Variants in FAF1 observed in about 807,000 individuals in gnomAD.
FAF1 encodes Fas associated factor 1.
Under a neutral mutation model 92.5 loss-of-function variants are expected in FAF1, and 25 were observed. That is an observed-to-expected ratio of 0.27 (90% CI 0.20 to 0.38). The LOEUF (loss-of-function observed/expected upper bound fraction) is 0.38, where lower values mean the gene tolerates loss of function less well. Ranked by LOEUF, FAF1 falls within the 10% of genes least tolerant of loss-of-function variation. FAF1 has a pLI of 1.00. For synonymous variants in FAF1, 234 were observed against 273.2 expected (o/e 0.86, Z 1.42); for missense variants, 636 against 793.3 (o/e 0.80, Z 2.38).
intron 1 of FAF1, among the ~76,000 whole-genome samples, chr1:50,904,099 T>A (rs1402117531): frequency 6.6e-6 from 1 of 152,192 alleles, no homozygotes; most frequent in African/African-American, 2.4e-5. Flanking sequence ...TTATTCACAA[T>A]AACCGAAAGG....
chr1:50,849,789 G>A (rs1250361385), intron 2 of FAF1, among the ~76,000 whole-genome samples: 1 of 149,510 alleles, frequency 6.7e-6, no homozygotes, highest in Admixed American at 6.6e-5. Context: ...TTACATTAGA[G>A]CTACTTAAAT....
chr1:50,660,210 T>C (rs2124308910), intron 7 of FAF1, among the ~76,000 whole-genome samples: 1 of 152,322 alleles, frequency 6.6e-6, no homozygotes, highest in Non-Finnish European at 1.5e-5. Context: ...CTTAGGAAAG[T>C]AATTCTTAGG....
Position 50,629,022 on chromosome 1 carries a change from A to T in FAF1, c.744+26420T>A, listed in dbSNP as rs190709689. 2.3e-3 allele frequency among the ~76,000 whole-genome samples: 355 copies of T among 152,334 alleles called. 1 individual carries two copies. The highest frequency in any genetic ancestry group is 8.3e-3 in the African/African-American group (346 of 41,564). ...CCTTCAGCTCATAGGGTTGCTGGGA[A>T]GGTTAAATGAGTTATTATATGTGTA... On this transcript the variant is annotated intron_variant, in intron 8 of 18. Transcript: ENST00000396153.
chr1:50,623,925 G>A (rs1557441315), intron 8 of FAF1, among the ~76,000 whole-genome samples: 1 of 151,028 alleles, frequency 6.6e-6, no homozygotes, highest in Non-Finnish European at 1.5e-5. Flanking sequence ...GTGACAGAGC[G>A]AGACCCTGTC....
At chr1:50,823,590 T>C (rs1644066180) in intron 2 of FAF1, among the ~76,000 whole-genome samples, 2 of 152,008 alleles carry the variant, frequency 1.3e-5, no homozygotes, top group Admixed American at 1.3e-4. Flanking sequence ...AAAGTTCTTT[T>C]CCCAAAAATG....
chr1:50,700,355 GC>G (rs1488231320), intron 7 of FAF1, among the ~76,000 whole-genome samples: 2 of 151,998 alleles, frequency 1.3e-5, no homozygotes, highest in African/African-American at 4.8e-5. Context: ...GTCGAACGCA[GC>G]CCCCGGCCTT....
intron 7 of FAF1, among the ~76,000 whole-genome samples, chr1:50,664,984 C>T (rs1001769060): frequency 1.8e-4 from 28 of 152,090 alleles, no homozygotes; most frequent in African/African-American, 6.5e-4. Flanking sequence ...TATTTAATGG[C>T]TTAGTAAATA....
chr1:50,488,614 A>G (rs557464746), intron 17 of FAF1, among the ~76,000 whole-genome samples: 1 of 152,328 alleles, frequency 6.6e-6, no homozygotes, highest in Admixed American at 6.5e-5. Flanking sequence ...GAAACTTGGC[A>G]TATATGACTC....
At chr1:50,529,828 A>C (rs2149034642) in intron 15 of FAF1, among the ~76,000 whole-genome samples, 1 of 152,328 alleles carries the variant, frequency 6.6e-6, no homozygotes, top group African/African-American at 2.4e-5. Context: ...GGCCCTACAC[A>C]GTGTCTGGTA....
chr1:50,489,715 GGAAAAAATCAAT>G (rs1646807788), intron 17 of FAF1, among the ~76,000 whole-genome samples: 3 of 152,116 alleles, frequency 2.0e-5, no homozygotes, highest in Non-Finnish European at 4.4e-5. Flanking sequence ...ATGAACTCAT[GGAAAAAATCAAT>G]GAAGCTAAAT....
At chr1:50,643,155 T>A (rs920875527) in intron 8 of FAF1, among the ~76,000 whole-genome samples, 23 of 152,222 alleles carry the variant, frequency 1.5e-4, no homozygotes, top group African/African-American at 5.1e-4. Flanking sequence ...TTGTACTTTT[T>A]TCAGCATTGC....
intron 7 of FAF1, among the ~76,000 whole-genome samples, chr1:50,656,948 C>T (rs1417179777): frequency 1.3e-5 from 2 of 152,064 alleles, no homozygotes; most frequent in Admixed American, 1.3e-4. Flanking sequence ...TGGTGGTTCA[C>T]ATCTGTAATC....
At chr1:50,477,488 T>C (rs1646652677) in intron 17 of FAF1, among the ~76,000 whole-genome samples, 1 of 152,200 alleles carries the variant, frequency 6.6e-6, no homozygotes, top group Non-Finnish European at 1.5e-5. Context: ...AAATATATTT[T>C]TGCTTTTTTT....
At chr1:50,620,846 G>A (rs752862014) in intron 8 of FAF1, among the ~76,000 whole-genome samples, 1 of 152,270 alleles carries the variant, frequency 6.6e-6, no homozygotes, top group Non-Finnish European at 1.5e-5. Context: ...GCTCTGTGGT[G>A]TGGGAGGGGA....
At chr1:50,616,670 T>C (rs911636088) in intron 8 of FAF1, among the ~76,000 whole-genome samples, 4 of 151,650 alleles carry the variant, frequency 2.6e-5, no homozygotes, top group Admixed American at 2.0e-4. Context: ...GCTACTGATT[T>C]TTGTATACTG....
In FAF1 at chr1:50,734,663, G is replaced by A. The variant is rs530701205; in HGVS notation, c.551+4200C>T. On this transcript the variant is annotated intron_variant, in intron 6 of 18. Coordinates refer to ENST00000396153, the MANE Select transcript of FAF1 (RefSeq NM_007051.3). ...GCAGGAGAATGGCGTGAACCCAGGG[G>A]GCGGAGCTTGCATTGAGCCGAGATC... Among the ~76,000 whole-genome samples the A allele has an allele frequency of 2.6e-5, 4 of 151,942 alleles. No homozygotes were observed. The East Asian group carries it at 5.8e-4, about 22-fold the overall frequency.
chr1:50,866,363 T>G (rs1262003486), intron 1 of FAF1, among the ~76,000 whole-genome samples: 1 of 151,898 alleles, frequency 6.6e-6, no homozygotes, highest in Non-Finnish European at 1.5e-5. Context: ...GAGAAAGAAA[T>G]AAAGCACATC....
At chr1:50,736,127 G>A (rs1207680249) in intron 6 of FAF1, among the ~76,000 whole-genome samples, 1 of 152,080 alleles carries the variant, frequency 6.6e-6, no homozygotes, top group Non-Finnish European at 1.5e-5. Flanking sequence ...TTATAAGTGA[G>A]GTAATATACG....
At chr1:50,611,609 T>G (rs1652688443) in intron 8 of FAF1, among the ~76,000 whole-genome samples, 1 of 152,214 alleles carries the variant, frequency 6.6e-6, no homozygotes, top group African/African-American at 2.4e-5. Flanking sequence ...GAGATGATGA[T>G]GGTTAAGCTC....
Sources: allele counts gnomAD v4.1 joint callset (sites outside exome capture counted in the v4.1 genomes callset), GRCh38; gene constraint gnomAD v4.1.1; transcripts MANE v1.5; gene names NCBI Gene and HGNC (gene_info 2026-07-23, HGNC 2026-07-21).